Variants in WDFY3 observed in about 807,000 individuals in gnomAD.
The protein encoded by WDFY3 is WD repeat and FYVE domain containing 3.
WDFY3 carries 66 observed loss-of-function variants against 409.6 expected under a neutral mutation model. The observed-to-expected ratio is 0.16, with a 90% CI of 0.13 to 0.20. WDFY3 has a LOEUF of 0.20. Ranked by LOEUF, WDFY3 falls within the 10% of genes least tolerant of loss-of-function variation. WDFY3 has a pLI of 1.00. For missense variants in WDFY3, 3,031 were observed against 4,298.1 expected (o/e 0.71, Z 8.24); for synonymous variants, 1,521 against 1,537.1 (o/e 0.99, Z 0.25).
At chr4:84,806,100 T>C (rs1751458112) in intron 15 of WDFY3, among the ~76,000 whole-genome samples, 1 of 152,156 alleles carries the variant, frequency 6.6e-6, no homozygotes, top group South Asian at 2.1e-4. Flanking sequence ...TTTTGGTTTC[T>C]CCTTTTGCCA....
chr4:84,827,500 T>G (rs1755027123), intron 9 of WDFY3, among the ~76,000 whole-genome samples: 1 of 152,056 alleles, frequency 6.6e-6, no homozygotes. Context: ...AACCACACAT[T>G]TGGGGAGTGA....
Position 84,713,219 on chromosome 4 carries a change from G to A in WDFY3, c.7982C>T (p.Ser2661Phe). The A allele has an allele frequency of 6.2e-6, 10 of 1,614,150 alleles. No individual in the cohort carries two copies. The highest frequency in any genetic ancestry group is 8.5e-6 in the Non-Finnish European group (10 of 1,180,020). The change falls in exon 51 of 68, where the codon TCT becomes TTT. Residue 2661 changes from serine to phenylalanine, a missense_variant. By Grantham distance (155) the Ser-to-Phe change is radical. Around this residue, in one of 16 missense-constraint regions of WDFY3, gnomAD observed 45 missense variants for 121.8 expected, o/e 0.37. Transcript: ENST00000295888. ...VYQRFLAVVP[S>F]LTDSSESVSG... The stretch of plus-strand genomic sequence containing the variant: ...TACAGATTCTGAACTGTCCGTTAGA[G>A]ATGGCACTACAGCCAAAAACCTGAA...
chr4:84,704,648 T>C (rs544904321), intron 54 of WDFY3, among the ~76,000 whole-genome samples: 6 of 152,172 alleles, frequency 3.9e-5, no homozygotes, highest in Non-Finnish European at 5.9e-5. Flanking sequence ...TAAGTATAAT[T>C]CAATGGCCTA....
chr4:84,843,709 A>C (rs1367721745), intron 5 of WDFY3, among the ~76,000 whole-genome samples: 1 of 152,158 alleles, frequency 6.6e-6, no homozygotes, highest in Non-Finnish European at 1.5e-5. Context: ...GCCCAGCCTC[A>C]CGTTTTATTT....
Position 84,875,098 on chromosome 4 carries a change from T to C in WDFY3, c.-31-14476A>G, listed in dbSNP as rs572767013. 3.9e-5 allele frequency among the ~76,000 whole-genome samples: 6 copies of C among 151,910 alleles called. No homozygotes were observed. The South Asian group carries it at 1.2e-3, about 32-fold the overall frequency. ...GCCTGGCCAACATGGTGAAACCCCG[T>C]CTCTACTAAAAATACAAAAATTAGC... On this transcript the variant is annotated intron_variant, in intron 3 of 67. Coordinates refer to ENST00000295888, the MANE Select transcript of WDFY3 (RefSeq NM_014991.6).
chr4:84,725,899 A>G lies in WDFY3; in HGVS notation c.7272+962T>C, dbSNP rs981673152. ...ACATTAACCTTCTTTAACTTCAGGT[A>G]CAGAGCAAGGAAATAAAGAGAGTTG... On this transcript the variant is annotated intron_variant, in intron 45 of 67. Coordinates refer to ENST00000295888, the MANE Select transcript of WDFY3 (RefSeq NM_014991.6). Among the ~76,000 whole-genome samples, 4 of 152,208 alleles carry G rather than the reference A, an allele frequency of 2.6e-5. No homozygotes were observed. In the East Asian group the frequency reaches 5.8e-4, roughly 22 times the overall value.
chr4:84,761,155 A>T (rs1578402378), intron 32 of WDFY3, among the ~76,000 whole-genome samples: 1 of 151,848 alleles, frequency 6.6e-6, no homozygotes, highest in Admixed American at 6.6e-5. Context: ...GTTTGATTGC[A>T]CTGTGGTCTG....
chr4:84,878,919 T>G (rs1763126272), intron 3 of WDFY3, among the ~76,000 whole-genome samples: 1 of 152,192 alleles, frequency 6.6e-6, no homozygotes, highest in African/African-American at 2.4e-5. Flanking sequence ...TTGCTGAAAT[T>G]TAATTCCTTA....
intron 2 of WDFY3, among the ~76,000 whole-genome samples, chr4:84,909,244 A>C (rs1767455161): frequency 6.6e-6 from 1 of 152,118 alleles, no homozygotes; most frequent in Non-Finnish European, 1.5e-5. Context: ...CATGGGGTAA[A>C]ATAAACTAAA....
chr4:84,796,383 C>A (rs1749446984), intron 19 of WDFY3, 138 bp downstream of exon 19: 2 of 511,458 alleles, frequency 3.9e-6, no homozygotes, highest in Non-Finnish European at 6.2e-6. Context: ...ATAGCATGCT[C>A]AAAAAACTCA....
intron 19 of WDFY3, among the ~76,000 whole-genome samples, chr4:84,796,047 T>C (rs1749381120): frequency 6.6e-6 from 1 of 151,726 alleles, no homozygotes; most frequent in South Asian, 2.1e-4. Flanking sequence ...TTAATTTATA[T>C]ATTATCTATA....
chr4:84,850,933 T>G (rs1248853408), intron 4 of WDFY3, among the ~76,000 whole-genome samples: 11 of 45,018 alleles, frequency 2.4e-4, no homozygotes, highest in Non-Finnish European at 3.9e-4. Context: ...TATCTGTTTT[T>G]TTTTTTTTTT....
chr4:84,685,788 T>C (rs1439883478), intron 62 of WDFY3, among the ~76,000 whole-genome samples: 2 of 152,192 alleles, frequency 1.3e-5, no homozygotes, highest in African/African-American at 4.8e-5. Flanking sequence ...AAACACTGCT[T>C]TTGTAGTATT....
rs150260711 is a variant in WDFY3 at position 84,842,133 on chromosome 4, C to T, written c.305-870G>A. ...TCTGTATCTAATTTCATCAGCATGG[C>T]TTGCCAATTTTTACAGTAACATATG... On this transcript the variant is annotated intron_variant, in intron 5 of 67. Coordinates refer to ENST00000295888, the MANE Select transcript of WDFY3 (RefSeq NM_014991.6). Among the ~76,000 whole-genome samples, 878 of 152,228 alleles carry T rather than the reference C, an allele frequency of 5.8e-3. 6 individuals are homozygous for T. The highest frequency in any genetic ancestry group is 0.02 in the African/African-American group (820 of 41,562).
intron 6 of WDFY3, among the ~76,000 whole-genome samples, chr4:84,839,952 A>G (rs1285654929): frequency 6.6e-6 from 1 of 152,168 alleles, no homozygotes; most frequent in Non-Finnish European, 1.5e-5. Flanking sequence ...TCTAAGAGAT[A>G]ATTACTTTGG....
Position 84,715,279 on chromosome 4 carries a change from T to G in WDFY3, c.7961+19A>C, listed in dbSNP as rs200190210. 963 of 1,470,690 alleles carry G rather than the reference T, an allele frequency of 6.5e-4. 2 individuals are homozygous for G. Among genetic ancestry groups the G allele is most frequent in the Non-Finnish European group, 7.3e-4 (770 of 1,054,316 alleles). The allele number at this position is 1,470,690 out of a possible 1,614,324, so 91.1% of individuals were successfully genotyped here. A position where few individuals can be genotyped will look rare whatever the true frequency, so the allele number is the denominator to read the frequency against. On this transcript the variant is annotated intron_variant, in intron 50 of 67. Transcript: ENST00000295888. ...TATCTTCCCATAATAGTATACAAAGTGTTCCGAATAAACAAGACCTTTGAT... is the reference window on the plus strand; with the variant it reads ...TATCTTCCCATAATAGTATACAAAGGGTTCCGAATAAACAAGACCTTTGAT...
At chr4:84,684,398 G>A (rs1431338238) in intron 62 of WDFY3, among the ~76,000 whole-genome samples, 1 of 152,198 alleles carries the variant, frequency 6.6e-6, no homozygotes, top group East Asian at 1.9e-4. Flanking sequence ...CTGGCACACT[G>A]CTGAGCAAGG....
chr4:84,730,689 G>A (rs1736442631), intron 44 of WDFY3, among the ~76,000 whole-genome samples: 1 of 152,048 alleles, frequency 6.6e-6, no homozygotes, highest in African/African-American at 2.4e-5. Flanking sequence ...TAGCTCAGGA[G>A]TGTCCAATCT....
At chr4:84,868,488 T>G (rs1158483814) in intron 3 of WDFY3, among the ~76,000 whole-genome samples, 1 of 152,182 alleles carries the variant, frequency 6.6e-6, no homozygotes, top group African/African-American at 2.4e-5. Flanking sequence ...AGAGTCATTA[T>G]CATATTTTAG....
Sources: allele counts gnomAD v4.1 joint callset (sites outside exome capture counted in the v4.1 genomes callset), GRCh38; gene constraint gnomAD v4.1.1; regional missense constraint gnomAD v4.1.1; transcripts MANE v1.5; gene names NCBI Gene and HGNC (gene_info 2026-07-23, HGNC 2026-07-21).